Variants in NTNG2 observed in about 807,000 individuals in gnomAD.
NTNG2 encodes netrin-G2.
In NTNG2, 15 loss-of-function variants were observed where a neutral mutation model predicts 47.6. The ratio of observed to expected loss-of-function variants is 0.32; its 90% CI spans 0.21 to 0.49. The LOEUF is 0.49. Among genes scored for constraint, NTNG2 ranks in the 20% least tolerant of loss-of-function variants. The pLI, the probability that NTNG2 is intolerant of heterozygous loss-of-function variation, is 0.99. For synonymous variants in NTNG2, 307 were observed against 324.6 expected (o/e 0.95, Z 0.58); for missense variants, 578 against 764.6 (o/e 0.76, Z 2.88).
chr9:132,169,557 C>A (rs950706103), intron 2 of NTNG2, among the ~76,000 whole-genome samples: 1 of 152,252 alleles, frequency 6.6e-6, no homozygotes, highest in Non-Finnish European at 1.5e-5. Context: ...GCCAACATCA[C>A]TCCGTTGAGA....
At chr9:132,204,523 C>T (rs1354430946) in intron 3 of NTNG2, among the ~76,000 whole-genome samples, 2 of 152,124 alleles carry the variant, frequency 1.3e-5, no homozygotes, top group Admixed American at 6.5e-5. Context: ...ACCCTCCCTG[C>T]ATCTCTTTCT....
At chr9:132,206,077 G>T (rs1424207445) in intron 3 of NTNG2, among the ~76,000 whole-genome samples, 1 of 152,106 alleles carries the variant, frequency 6.6e-6, no homozygotes, top group Non-Finnish European at 1.5e-5. Flanking sequence ...AATCACCCTG[G>T]AGTTTAAGTG....
rs1451383904 is a variant in NTNG2, at chr9:132,179,857, C to G, written c.213+12813C>G. Among the ~76,000 whole-genome samples the G allele has an allele frequency of 6.6e-5, 10 of 152,232 alleles. No homozygotes were observed. The East Asian group carries it at 1.5e-3, about 24-fold the overall frequency. Reference sequence around the variant, plus strand: ...TCTGTCACACAGGAGTTCGAATGGTCGTTCTGAAATTGAGAGCTAGCGGGG... The same window carrying G: ...TCTGTCACACAGGAGTTCGAATGGTGGTTCTGAAATTGAGAGCTAGCGGGG... On this transcript the variant is annotated intron_variant, in intron 2 of 7. Coordinates refer to ENST00000393229, the MANE Select transcript of NTNG2 (RefSeq NM_032536.4).
At chr9:132,195,928 C>A (rs1838277657) in intron 2 of NTNG2, among the ~76,000 whole-genome samples, 1 of 151,940 alleles carries the variant, frequency 6.6e-6, no homozygotes, top group African/African-American at 2.4e-5. Flanking sequence ...CACCACACCA[C>A]ACCCAGTTTA....
At chr9:132,194,518 TG>T (rs1419582820) in intron 2 of NTNG2, among the ~76,000 whole-genome samples, 2 of 152,164 alleles carry the variant, frequency 1.3e-5, no homozygotes, top group African/African-American at 4.8e-5. Context: ...CCCCGCCCCA[TG>T]TCCCTCTGCT....
intron 7 of NTNG2, chr9:132,241,324 G>A (rs1841972781): frequency 2.0e-6 from 1 of 504,436 alleles, no homozygotes; most frequent in Non-Finnish European, 3.5e-6. Flanking sequence ...GCCGACCCGG[G>A]GGCGGTGGAC....
At chr9:132,216,446 G>C (rs1250447071) in intron 3 of NTNG2, among the ~76,000 whole-genome samples, 7 of 149,596 alleles carry the variant, frequency 4.7e-5, no homozygotes, top group African/African-American at 1.2e-4. Flanking sequence ...GTGTGTGTGT[G>C]TGTGTGTGTG....
At chr9:132,229,224 G>C (rs1841015501) in intron 4 of NTNG2, among the ~76,000 whole-genome samples, 2 of 152,052 alleles carry the variant, frequency 1.3e-5, no homozygotes, top group Non-Finnish European at 2.9e-5. Flanking sequence ...CCTTCTCTGG[G>C]GTGCCAGCAG....
At chr9:132,167,332 T>G (rs1255050829) in intron 2 of NTNG2, among the ~76,000 whole-genome samples, 1 of 152,228 alleles carries the variant, frequency 6.6e-6, no homozygotes, top group Non-Finnish European at 1.5e-5. Flanking sequence ...CCTATAGTAT[T>G]CAGCTCCGCA....
At chr9:132,237,280 C>T (rs1311000920) in intron 5 of NTNG2, among the ~76,000 whole-genome samples, 2 of 152,164 alleles carry the variant, frequency 1.3e-5, no homozygotes, top group African/African-American at 4.8e-5. Context: ...CCAGAGGGGC[C>T]TCTCCCTCCC....
chr9:132,195,046 A>C (rs1391950919), intron 2 of NTNG2, among the ~76,000 whole-genome samples: 1 of 152,250 alleles, frequency 6.6e-6, no homozygotes, highest in Non-Finnish European at 1.5e-5. Context: ...AAAGGGCCAC[A>C]AGTGGTCCGG....
At chr9:132,171,907 G>A (rs545765645) in intron 2 of NTNG2, among the ~76,000 whole-genome samples, 5 of 152,164 alleles carry the variant, frequency 3.3e-5, no homozygotes, top group South Asian at 2.1e-4. Context: ...CCCTCCAGTC[G>A]GCAGATGTTT....
At chr9:132,188,292 G>C (rs1837560642) in intron 2 of NTNG2, among the ~76,000 whole-genome samples, 1 of 152,222 alleles carries the variant, frequency 6.6e-6, no homozygotes, top group South Asian at 2.1e-4. Context: ...GATGAGAAGG[G>C]TTCCGTTGGC....
chr9:132,202,784 G>C (rs1181372212), intron 3 of NTNG2, among the ~76,000 whole-genome samples: 1 of 152,210 alleles, frequency 6.6e-6, no homozygotes, highest in East Asian at 1.9e-4. Flanking sequence ...CCACCACTGA[G>C]AGCTTTGGGA....
intron 3 of NTNG2, among the ~76,000 whole-genome samples, chr9:132,212,075 T>TAGCA (rs958579826): frequency 6.6e-6 from 1 of 152,192 alleles, no homozygotes; most frequent in African/African-American, 2.4e-5. Context: ...CTGGGCTTGC[T>TAGCA]AGCACCCACC....
chr9:132,202,053 C>T (rs1318018769), intron 3 of NTNG2, among the ~76,000 whole-genome samples: 1 of 152,254 alleles, frequency 6.6e-6, no homozygotes, highest in Non-Finnish European at 1.5e-5. Flanking sequence ...GTCCCTAGCC[C>T]TGGCCCGGTG....
chr9:132,224,106 C>T (rs555725519), intron 3 of NTNG2, among the ~76,000 whole-genome samples: 6 of 152,068 alleles, frequency 3.9e-5, no homozygotes, highest in South Asian at 2.1e-4. Flanking sequence ...TTGCACAACC[C>T]GTGGGCTCTT....
At chr9:132,228,742 G>T (rs145138227) in intron 4 of NTNG2, among the ~76,000 whole-genome samples, 1 of 152,004 alleles carries the variant, frequency 6.6e-6, no homozygotes, top group Non-Finnish European at 1.5e-5. Context: ...GTTTTTTTCA[G>T]AGAAAAGGTT....
At chr9:132,168,685 C>T (rs1007674620) in intron 2 of NTNG2, among the ~76,000 whole-genome samples, 1 of 152,088 alleles carries the variant, frequency 6.6e-6, no homozygotes, top group African/African-American at 2.4e-5. Context: ...AGGAGGAAGG[C>T]CAGGATAGGG....
Sources: gnomAD v4.1 joint callset for allele counts (sites outside exome capture counted in the v4.1 genomes callset) on GRCh38, gnomAD v4.1.1 for gene constraint, MANE v1.5 for transcripts, NCBI Gene and HGNC (gene_info 2026-07-23, HGNC 2026-07-21) for gene names.